CACNG4: variants seen among roughly 807,000 people sequenced by gnomAD.
CACNG4 encodes the protein voltage-dependent calcium channel gamma-4 subunit.
Under a neutral mutation model 22.9 loss-of-function variants are expected in CACNG4, and 8 were observed. The observed-to-expected ratio is 0.35, with a 90% CI of 0.21 to 0.63. The LOEUF (loss-of-function observed/expected upper bound fraction) is 0.63, where lower values mean the gene tolerates loss of function less well. Ranked by LOEUF, CACNG4 falls within the 30% of genes least tolerant of loss-of-function variation. The pLI is 0.72. For synonymous variants in CACNG4, 188 were observed against 191.9 expected (o/e 0.98, Z 0.17); for missense variants, 357 against 455.4 (o/e 0.78, Z 1.97).
In CACNG4 at chr17:67,027,132, G is replaced by A. The variant is rs1212556136; in HGVS notation, c.445+2132G>A. On this transcript the variant is annotated intron_variant, in intron 3 of 3. Transcript: ENST00000262138. The surrounding 1 kb of genome is among the most constrained non-coding windows in gnomAD (Gnocchi z 4.3). ...GCTCCTGCGGAGGAGGCACACAGGC[G>A]GTCCAGCAGCTCAGGTGGCTTCCTT... Among the ~76,000 whole-genome samples, 4 of 152,188 alleles carry A rather than the reference G, an allele frequency of 2.6e-5. No homozygotes were observed. The highest frequency in any genetic ancestry group is 7.2e-5 in the African/African-American group (3 of 41,452).
At chr17:66,974,300 A>G (rs1011939179) in intron 1 of CACNG4, among the ~76,000 whole-genome samples, 2 of 152,152 alleles carry the variant, frequency 1.3e-5, no homozygotes, top group African/African-American at 2.4e-5. Context: ...ATAAAAGGGG[A>G]ATATTTCATA....
At chr17:66,990,680 AT>A (rs146514916) in intron 1 of CACNG4, among the ~76,000 whole-genome samples, 39 of 128,618 alleles carry the variant, frequency 3.0e-4, no homozygotes, top group East Asian at 3.9e-4. Context: ...ATTTTATTTT[AT>A]TTTATTTATT....
intron 1 of CACNG4, 28 bp from the exon 2 acceptor site, chr17:67,018,161 A>G (rs1487958093): frequency 1.3e-6 from 2 of 1,546,146 alleles, no homozygotes; most frequent in African/African-American, 2.7e-5. Flanking sequence ...CAGCATTTAC[A>G]GTGTTCTTTT....
In CACNG4 at chr17:67,024,718, G is replaced by A. The variant is rs556146875; in HGVS notation, c.305-142G>A. On this transcript the variant is annotated intron_variant, in intron 2 of 3. Coordinates refer to ENST00000262138, the MANE Select transcript of CACNG4 (RefSeq NM_014405.4). ...GCCTCCCCAGGCACTGGCCCACCTC[G>A]AGTCTCCAGGTCCTGATGGGAATCT... 5.5e-5 allele frequency: 52 copies of A among 939,874 alleles called. 1 individual carries two copies. In the South Asian group the frequency reaches 7.2e-4, roughly 13 times the overall value. The allele number at this position is 939,874 out of a possible 1,614,324, so 58.2% of individuals were successfully genotyped here.
rs548576291 is a variant in CACNG4, at chr17:67,019,893, C to G, written c.304+1621C>G. On this transcript the variant is annotated intron_variant, in intron 2 of 3. Transcript: ENST00000262138. ...CCAGAGGTCACCCCACATGGCTTCC[C>G]AATCTCCCAGCAGGAAGTAGATGTT... 3 of 152,382 alleles carry G rather than the reference C, an allele frequency of 2.0e-5. No individual in the cohort carries two copies. The South Asian group carries it at 6.2e-4, about 32-fold the overall frequency. The allele number at this position is 152,382 out of a possible 1,614,324, so 9.4% of individuals were successfully genotyped here. A position where few individuals can be genotyped will look rare whatever the true frequency, so the allele number is the denominator to read the frequency against.
intron 1 of CACNG4, among the ~76,000 whole-genome samples, chr17:67,009,643 T>G (rs537164846): frequency 1.0e-3 from 157 of 152,326 alleles, no homozygotes; most frequent in African/African-American, 3.7e-3. Context: ...CAGAAATTTA[T>G]TTCTCACAGT....
At chr17:67,015,112 C>A (rs1412812141) in intron 1 of CACNG4, among the ~76,000 whole-genome samples, 1 of 152,106 alleles carries the variant, frequency 6.6e-6, no homozygotes, top group East Asian at 1.9e-4. Context: ...TTAGTAATAG[C>A]TGGAAACAAC....
intron 1 of CACNG4, among the ~76,000 whole-genome samples, chr17:66,972,078 G>C (rs1445757669): frequency 6.6e-6 from 1 of 152,110 alleles, no homozygotes. Flanking sequence ...AGGAATGAAG[G>C]GTGACCTCCC....
chr17:66,987,445 G>A (rs1402749811), intron 1 of CACNG4, among the ~76,000 whole-genome samples: 1 of 152,136 alleles, frequency 6.6e-6, no homozygotes, highest in African/African-American at 2.4e-5. Flanking sequence ...TACTCTCTCA[G>A]TCAGGGTCCA....
intron 1 of CACNG4, among the ~76,000 whole-genome samples, chr17:66,966,955 G>T (rs1208360264): frequency 1.3e-5 from 2 of 152,348 alleles, no homozygotes; most frequent in East Asian, 1.9e-4. Context: ...GGGCTGCAAT[G>T]CCCCATATTC....
intron 1 of CACNG4, among the ~76,000 whole-genome samples, chr17:66,970,437 A>G (rs2035196939): frequency 6.6e-6 from 1 of 152,144 alleles, no homozygotes. Flanking sequence ...GTTCCTGGTG[A>G]GGTCCCTCTT....
At chr17:66,997,873 A>G (rs1344704380) in intron 1 of CACNG4, among the ~76,000 whole-genome samples, 3 of 152,128 alleles carry the variant, frequency 2.0e-5, no homozygotes, top group Non-Finnish European at 4.4e-5. Context: ...CACCAACAGG[A>G]GCATGAGAAT....
In CACNG4 at chr17:66,979,353, C is replaced by G. The variant is rs1006592281; in HGVS notation, c.220+14222C>G. ...CTTTTGAGAGTTCTTGAAGCATTTC[C>G]TAGATAAAAATGTATTATTTTAACT... On this transcript the variant is annotated intron_variant, in intron 1 of 3. Coordinates refer to ENST00000262138, the MANE Select transcript of CACNG4 (RefSeq NM_014405.4). Among the ~76,000 whole-genome samples, 52 of 148,732 alleles carry G rather than the reference C, an allele frequency of 3.5e-4. No individual in the cohort carries two copies. In the Admixed American group the frequency reaches 3.5e-3, roughly 10 times the overall value.
At chr17:67,026,963 G>C (rs1317774928) in intron 3 of CACNG4, among the ~76,000 whole-genome samples, 2 of 151,568 alleles carry the variant, frequency 1.3e-5, no homozygotes, top group Non-Finnish European at 2.9e-5. Flanking sequence ...TTTTCAAAAG[G>C]TGTGAGCCGT....
intron 1 of CACNG4, among the ~76,000 whole-genome samples, chr17:66,992,832 C>T (rs550948362): frequency 1.7e-4 from 26 of 152,368 alleles, no homozygotes; most frequent in Admixed American, 5.2e-4. Context: ...TGTTATTTTT[C>T]TTTATGAGGG....
At chr17:66,991,958 T>A (rs930398738) in intron 1 of CACNG4, among the ~76,000 whole-genome samples, 2 of 152,202 alleles carry the variant, frequency 1.3e-5, no homozygotes, top group Non-Finnish European at 2.9e-5. Context: ...CCTGCTGGAA[T>A]GCGAGCTGCC....
At chr17:67,026,292 C>T (rs191750781) in intron 3 of CACNG4, among the ~76,000 whole-genome samples, 1 of 124,992 alleles carries the variant, frequency 8.0e-6, no homozygotes, top group South Asian at 2.7e-4. Context: ...TGTGTTTGTG[C>T]GTGTTAAGAG....
intron 3 of CACNG4, among the ~76,000 whole-genome samples, chr17:67,026,111 A>ATG (rs1180515461): frequency 8.2e-6 from 1 of 122,228 alleles, no homozygotes; most frequent in Non-Finnish European, 1.7e-5. Context: ...AGAGTGTGGG[A>ATG]TGTGTGTGTG....
intron 1 of CACNG4, among the ~76,000 whole-genome samples, chr17:66,979,614 G>A (rs781688706): frequency 2.6e-5 from 4 of 151,992 alleles, no homozygotes; most frequent in Admixed American, 2.0e-4. Flanking sequence ...TTCTTCTTTC[G>A]AACTTCTGTG....
Sources: allele counts gnomAD v4.1 joint callset (sites outside exome capture counted in the v4.1 genomes callset), GRCh38; gene constraint gnomAD v4.1.1; non-coding constraint Gnocchi (gnomAD v3.1); transcripts MANE v1.5; gene names NCBI Gene and HGNC (gene_info 2026-07-23, HGNC 2026-07-21).